GBE1: variants seen among roughly 807,000 people sequenced by gnomAD.
The protein encoded by GBE1 is 1,4-alpha-glucan-branching enzyme.
GBE1 carries 70 observed loss-of-function variants against 88.8 expected under a neutral mutation model. The observed-to-expected ratio is 0.79, with a 90% CI of 0.65 to 0.96. The LOEUF is 0.96. Among genes scored for constraint, GBE1 ranks in the 40% least tolerant of loss-of-function variants. GBE1 has a pLI of 0.00. For synonymous variants in GBE1, 284 were observed against 300.1 expected, an observed-to-expected ratio of 0.95 and a Z score of 0.56; for missense variants, 872 against 871.0, an observed-to-expected ratio of 1.00 and a Z score of -0.01.
At chr3:81,684,297 A>G (rs1160682557) in intron 2 of GBE1, among the ~76,000 whole-genome samples, 1 of 152,220 alleles carries the variant, frequency 6.6e-6, no homozygotes, top group African/African-American at 2.4e-5. Context: ...CTGGGTAGAA[A>G]TGTGGATAAT....
chr3:81,621,788 C>A (rs1704337214), intron 7 of GBE1, among the ~76,000 whole-genome samples: 1 of 152,164 alleles, frequency 6.6e-6, no homozygotes. Flanking sequence ...TTGCAGTGGA[C>A]AATACCATAT....
intron 3 of GBE1, 45 bp downstream of exon 3, chr3:81,670,793 A>G (rs377303407): frequency 3.8e-6 from 4 of 1,058,292 alleles, no homozygotes; most frequent in East Asian, 5.6e-5. Context: ...AACAAGATAA[A>G]AAGAAAATGA....
chr3:81,569,809 A>T (rs1703548331), intron 12 of GBE1, among the ~76,000 whole-genome samples: 2 of 152,204 alleles, frequency 1.3e-5, no homozygotes, highest in Middle Eastern at 3.4e-3. Context: ...TTCTTTGCTT[A>T]CTTATTTTAT....
intron 1 of GBE1, among the ~76,000 whole-genome samples, chr3:81,750,614 T>TAC: frequency 1.3e-5 from 1 of 77,554 alleles, no homozygotes; most frequent in African/African-American, 7.6e-5. Context: ...TATATATATA[T>TAC]ATGTATATAT....
At chr3:81,502,521 C>A (rs1239403238) in intron 14 of GBE1, among the ~76,000 whole-genome samples, 1 of 152,110 alleles carries the variant, frequency 6.6e-6, no homozygotes, top group Non-Finnish European at 1.5e-5. Context: ...CCTTTAAAAT[C>A]CAGAAATTTC....
chr3:81,598,510 T>C (rs886739482), intron 7 of GBE1, among the ~76,000 whole-genome samples: 4 of 151,994 alleles, frequency 2.6e-5, no homozygotes, highest in African/African-American at 9.6e-5. Context: ...GTTTATTTTT[T>C]AAAATTAAAA....
At chr3:81,629,700 G>T (rs905520582) in intron 7 of GBE1, among the ~76,000 whole-genome samples, 1 of 151,874 alleles carries the variant, frequency 6.6e-6, no homozygotes, top group African/African-American at 2.4e-5. Context: ...ATGTTTAATT[G>T]TATTTTTTAT....
chr3:81,525,501 G>A (rs546594591), intron 14 of GBE1, among the ~76,000 whole-genome samples: 10 of 152,074 alleles, frequency 6.6e-5, no homozygotes, highest in African/African-American at 2.4e-4. Context: ...TCTTTTATTT[G>A]TTGTGTCTCT....
chr3:81,701,226 A>G (rs1409998579), intron 2 of GBE1, among the ~76,000 whole-genome samples: 1 of 152,170 alleles, frequency 6.6e-6, no homozygotes, highest in Non-Finnish European at 1.5e-5. Flanking sequence ...GTCAATATAT[A>G]TACACCATCC....
At chr3:81,619,147 C>T (rs1704290004) in intron 7 of GBE1, among the ~76,000 whole-genome samples, 1 of 148,392 alleles carries the variant, frequency 6.7e-6, no homozygotes, top group South Asian at 2.1e-4. Context: ...TTTGTCTCTG[C>T]CCTATAAAAA....
chr3:81,727,211 C>T (rs762036711), intron 1 of GBE1, among the ~76,000 whole-genome samples: 1 of 152,154 alleles, frequency 6.6e-6, no homozygotes, highest in Non-Finnish European at 1.5e-5. Flanking sequence ...TTTAATCCTG[C>T]AAATGTTACA....
At chr3:81,592,436 G>A (rs1014373663) in intron 8 of GBE1, among the ~76,000 whole-genome samples, 3 of 151,882 alleles carry the variant, frequency 2.0e-5, no homozygotes, top group Non-Finnish European at 4.4e-5. Context: ...GTAAATTGCA[G>A]GTAAATTCAT....
At chr3:81,719,799 C>T (rs1705995262) in intron 1 of GBE1, among the ~76,000 whole-genome samples, 1 of 151,938 alleles carries the variant, frequency 6.6e-6, no homozygotes, top group African/African-American at 2.4e-5. Flanking sequence ...TAAAAACTAA[C>T]AAACACTAAT....
intron 1 of GBE1, among the ~76,000 whole-genome samples, chr3:81,750,577 G>GTATATATATGTATATATATGTA (rs1706492438): frequency 5.7e-5 from 2 of 35,220 alleles, no homozygotes; most frequent in African/African-American, 2.0e-4. Context: ...ATATATATAC[G>GTATATATATGTATATATATGTA]TATATATATA....
chr3:81,558,837 A>C (rs1363327231), intron 12 of GBE1, among the ~76,000 whole-genome samples: 3 of 152,114 alleles, frequency 2.0e-5, no homozygotes, highest in Admixed American at 6.6e-5. Flanking sequence ...AAATGAACAG[A>C]TGTCCTTGTC....
intron 7 of GBE1, among the ~76,000 whole-genome samples, chr3:81,624,745 T>TAA (rs1704387662): frequency 6.6e-6 from 1 of 152,038 alleles, no homozygotes; most frequent in African/African-American, 2.4e-5. Flanking sequence ...TAACATAACT[T>TAA]AAAAACACAC....
At chr3:81,681,194 A>C (rs1705335639) in intron 2 of GBE1, among the ~76,000 whole-genome samples, 1 of 152,224 alleles carries the variant, frequency 6.6e-6, no homozygotes, top group African/African-American at 2.4e-5. Context: ...TATGGTCTAT[A>C]ACCAGAAGTA....
intron 12 of GBE1, among the ~76,000 whole-genome samples, chr3:81,546,752 T>G (rs754921225): frequency 3.3e-5 from 5 of 151,354 alleles, no homozygotes; most frequent in Non-Finnish European, 5.9e-5. Context: ...AAAATAACCA[T>G]AAAAATGAAC....
intron 1 of GBE1, among the ~76,000 whole-genome samples, chr3:81,737,262 A>AAT (rs1706269765): frequency 1.4e-5 from 2 of 143,666 alleles, no homozygotes; most frequent in Non-Finnish European, 3.0e-5. Flanking sequence ...TATTTATATA[A>AAT]ATATATATAT....
Sources: gnomAD v4.1 joint callset for allele counts (sites outside exome capture counted in the v4.1 genomes callset) on GRCh38, gnomAD v4.1.1 for gene constraint, MANE v1.5 for transcripts, NCBI Gene and HGNC (gene_info 2026-07-23, HGNC 2026-07-21) for gene names.